KLF12: variants seen among roughly 807,000 people sequenced by gnomAD.
The protein encoded by KLF12 is KLF transcription factor 12, also known as Krueppel-like factor 12.
KLF12 carries 9 observed loss-of-function variants against 37.8 expected under a neutral mutation model. The observed-to-expected ratio is 0.24, with a 90% CI of 0.14 to 0.42. The LOEUF (loss-of-function observed/expected upper bound fraction) is 0.42, where lower values mean the gene tolerates loss of function less well. Among genes scored for constraint, KLF12 ranks in the 10% least tolerant of loss-of-function variants. KLF12 has a pLI of 1.00. For missense variants in KLF12, 411 were observed against 516.0 expected (o/e 0.80, Z 1.97); for synonymous variants, 208 against 202.1 (o/e 1.03, Z -0.25).
At chr13:73,728,771 G>A (rs985476119) in intron 6 of KLF12, among the ~76,000 whole-genome samples, 1 of 152,122 alleles carries the variant, frequency 6.6e-6, no homozygotes. Flanking sequence ...CTCATGGTAG[G>A]TAATCCTTTT....
At chr13:73,843,307 T>TTC (rs1884842232) in intron 4 of KLF12, among the ~76,000 whole-genome samples, 1 of 152,032 alleles carries the variant, frequency 6.6e-6, no homozygotes, top group African/African-American at 2.4e-5. Context: ...ATACATTATG[T>TTC]TCTTTTTTTT....
intron 7 of KLF12, among the ~76,000 whole-genome samples, chr13:73,704,268 C>A (rs1874764455): frequency 6.6e-6 from 1 of 152,304 alleles, no homozygotes; most frequent in South Asian, 2.1e-4. Context: ...GAGAGGGAGA[C>A]AGGACATTTC....
At chr13:74,166,472 A>G in the KLF12 span, among the ~76,000 whole-genome samples, 2 of 152,162 alleles carry the variant, frequency 1.3e-5, no homozygotes, top group Non-Finnish European at 2.9e-5. Flanking sequence ...TCAGAGACTG[A>G]AAGCTTCCAG....
intron 1 of KLF12, among the ~76,000 whole-genome samples, chr13:74,010,636 A>G (rs1435976904): frequency 6.6e-6 from 1 of 152,154 alleles, no homozygotes; most frequent in Non-Finnish European, 1.5e-5. Context: ...TTTCTTATTT[A>G]TAAGTACTAT....
chr13:73,987,163 T>C (rs553733908), intron 2 of KLF12, among the ~76,000 whole-genome samples: 2 of 152,126 alleles, frequency 1.3e-5, no homozygotes, highest in Admixed American at 6.5e-5. Flanking sequence ...GAAAAACTGA[T>C]TACGTGTAAG....
At chr13:73,885,321 T>C (rs1566437847) in intron 3 of KLF12, among the ~76,000 whole-genome samples, 1 of 152,232 alleles carries the variant, frequency 6.6e-6, no homozygotes, top group African/African-American at 2.4e-5. Flanking sequence ...TTTGATTCAT[T>C]TCTCTTTCCT....
chr13:74,232,672 A>C, the KLF12 span, among the ~76,000 whole-genome samples: 1 of 152,206 alleles, frequency 6.6e-6, no homozygotes, highest in Non-Finnish European at 1.5e-5. Flanking sequence ...CACTGTCCCA[A>C]GCTTTTAAGA....
intron 3 of KLF12, among the ~76,000 whole-genome samples, chr13:73,865,199 AGC>A (rs1286729946): frequency 7.2e-4 from 110 of 152,296 alleles, no homozygotes; most frequent in African/African-American, 2.5e-3. Flanking sequence ...CTCAGTAGTG[AGC>A]TGTATACATT....
rs537767937 is a variant in KLF12, at chr13:73,752,748, CAG to C, written c.869+12188_869+12189del. ...CATATATATTTTTTTTTTTTTGACA[CAG>C]AGTCTTGCTCTGTCACCCAGGTGTG... On this transcript the variant is annotated intron_variant, in intron 6 of 7. Transcript: ENST00000377669. Among the ~76,000 whole-genome samples the C allele has an allele frequency of 3.7e-3, 239 of 65,168 alleles. 1 individual carries two copies. Among genetic ancestry groups the C allele is most frequent in the African/African-American group, 0.021 (219 of 10,256 alleles). The allele number at this position is 65,168 out of a possible 152,430, so 42.8% of individuals were successfully genotyped here. A position where few individuals can be genotyped will look rare whatever the true frequency, so the allele number is the denominator to read the frequency against.
chr13:74,163,896 TAAA>T, the KLF12 span, among the ~76,000 whole-genome samples: 2 of 90,368 alleles, frequency 2.2e-5, no homozygotes, highest in African/African-American at 5.7e-5. Context: ...ATTTAAAAAT[TAAA>T]AAAAAAGAAA....
chr13:73,960,292 A>C (rs1017067158), intron 2 of KLF12: 1 of 255,554 alleles, frequency 3.9e-6, no homozygotes, highest in Non-Finnish European at 8.6e-6. Flanking sequence ...AAAATAATGC[A>C]TATGAGACAG....
At chr13:73,826,435 A>C (rs572580733) in intron 4 of KLF12, among the ~76,000 whole-genome samples, 26 of 152,362 alleles carry the variant, frequency 1.7e-4, no homozygotes, top group African/African-American at 5.5e-4. Flanking sequence ...TAACTCGCTT[A>C]TAAACTTGTT....
chr13:73,720,820 C>A (rs1407401777), intron 6 of KLF12, among the ~76,000 whole-genome samples: 2 of 152,144 alleles, frequency 1.3e-5, no homozygotes, highest in African/African-American at 2.4e-5. Flanking sequence ...TAAAAGACCA[C>A]TCGTCATGTG....
chr13:74,305,556 CTATT>C, the KLF12 span, among the ~76,000 whole-genome samples: 1 of 151,920 alleles, frequency 6.6e-6, no homozygotes, highest in African/African-American at 2.4e-5. Context: ...TACATATTCT[CTATT>C]TATAAAAAAC....
the KLF12 span, among the ~76,000 whole-genome samples, chr13:74,235,260 G>T: frequency 6.6e-6 from 1 of 152,276 alleles, no homozygotes; most frequent in Admixed American, 6.5e-5. Flanking sequence ...GTACATGCAG[G>T]TGCTATTTGT....
chr13:74,050,182 C>A (rs895242864), intron 1 of KLF12, among the ~76,000 whole-genome samples: 2 of 152,102 alleles, frequency 1.3e-5, no homozygotes, highest in Non-Finnish European at 2.9e-5. Context: ...AGAAAAGTAA[C>A]TGACAAATGT....
At chr13:74,198,468 C>G in the KLF12 span, among the ~76,000 whole-genome samples, 10 of 152,030 alleles carry the variant, frequency 6.6e-5, no homozygotes, top group African/African-American at 2.4e-4. Context: ...TGAGAAGGTG[C>G]TGGCCTGTAA....
intron 1 of KLF12, among the ~76,000 whole-genome samples, chr13:74,011,117 G>A (rs1325529569): frequency 1.3e-5 from 2 of 151,522 alleles, no homozygotes; most frequent in African/African-American, 2.4e-5. Flanking sequence ...CCTTCACTAT[G>A]AACTTTAATC....
At chr13:73,797,819 T>C (rs1485859164) in intron 5 of KLF12, among the ~76,000 whole-genome samples, 3 of 150,196 alleles carry the variant, frequency 2.0e-5, no homozygotes, top group Non-Finnish European at 4.4e-5. Context: ...ATCCTAAACT[T>C]AGAGTTATTG....
Sources: gnomAD v4.1 joint callset for allele counts (sites outside exome capture counted in the v4.1 genomes callset) on GRCh38, gnomAD v4.1.1 for gene constraint, MANE v1.5 for transcripts, NCBI Gene and HGNC (gene_info 2026-07-23, HGNC 2026-07-21) for gene names.